The following CA10 variants were observed in gnomAD, a reference collection of about 807,000 sequenced individuals.
CA10 encodes carbonic anhydrase-related protein 10.
CA10 carries 14 observed loss-of-function variants against 44.2 expected under a neutral mutation model. That is an observed-to-expected ratio of 0.32 (90% CI 0.21 to 0.50). The LOEUF (loss-of-function observed/expected upper bound fraction) is 0.50. CA10 is among the 20% of genes least tolerant of loss of function. The pLI is 0.99. For missense variants in CA10, 350 were observed against 409.7 expected (o/e 0.85, Z 1.26); for synonymous variants, 159 against 141.6 (o/e 1.12, Z -0.87).
intron 1 of CA10, among the ~76,000 whole-genome samples, chr17:52,101,590 A>G (rs937448364): frequency 2.0e-5 from 3 of 152,228 alleles, no homozygotes; most frequent in African/African-American, 7.2e-5. Context: ...ACCAATCCAC[A>G]TGTCTTGAAG....
chr17:51,650,433 A>T (rs1017801281), intron 5 of CA10, among the ~76,000 whole-genome samples: 1 of 152,218 alleles, frequency 6.6e-6, no homozygotes, highest in African/African-American at 2.4e-5. Flanking sequence ...GCTTGGAGAA[A>T]GCACAGACTG....
intron 2 of CA10, among the ~76,000 whole-genome samples, chr17:52,018,262 C>T (rs759227227): frequency 6.6e-6 from 1 of 152,074 alleles, no homozygotes; most frequent in Non-Finnish European, 1.5e-5. Context: ...GCCCTTCAGA[C>T]CAAATAATGG....
chr17:51,987,169 C>T (rs926469733), intron 2 of CA10, among the ~76,000 whole-genome samples: 1 of 151,726 alleles, frequency 6.6e-6, no homozygotes, highest in Non-Finnish European at 1.5e-5. Flanking sequence ...TGATGGAATA[C>T]TACTTATGAT....
intron 2 of CA10, among the ~76,000 whole-genome samples, chr17:52,057,970 T>C (rs1318200738): frequency 6.6e-6 from 1 of 152,056 alleles, no homozygotes; most frequent in Non-Finnish European, 1.5e-5. Flanking sequence ...AGAAATTTCC[T>C]GGTGTGACTA....
chr17:51,831,342 G>A (rs1908233128), intron 3 of CA10, among the ~76,000 whole-genome samples: 1 of 152,198 alleles, frequency 6.6e-6, no homozygotes, highest in Non-Finnish European at 1.5e-5. Flanking sequence ...GAAGCTGTTT[G>A]CAGTTCAGAT....
intron 2 of CA10, among the ~76,000 whole-genome samples, chr17:51,964,514 C>G (rs533371387): frequency 2.6e-5 from 4 of 151,968 alleles, no homozygotes; most frequent in Middle Eastern, 6.8e-3. Context: ...GGCCATAAAG[C>G]AAGTCTCAAT....
At chr17:51,659,165 G>A (rs1913908105) in intron 4 of CA10, among the ~76,000 whole-genome samples, 1 of 152,166 alleles carries the variant, frequency 6.6e-6, no homozygotes, top group African/African-American at 2.4e-5. Flanking sequence ...ATCAGCGAGG[G>A]TGGGCAACAT....
At chr17:51,841,078 G>A (rs929625843) in intron 3 of CA10, among the ~76,000 whole-genome samples, 1 of 152,104 alleles carries the variant, frequency 6.6e-6, no homozygotes, top group Non-Finnish European at 1.5e-5. Context: ...CTGCTTTCCT[G>A]GAGAGAACCA....
At chr17:51,893,036 C>A (rs1466657058) in intron 3 of CA10, among the ~76,000 whole-genome samples, 3 of 152,022 alleles carry the variant, frequency 2.0e-5, no homozygotes, top group African/African-American at 7.2e-5. Flanking sequence ...CTACTTTATG[C>A]TTAATAAGTG....
At chr17:51,981,556 G>C (rs1471844030) in intron 2 of CA10, among the ~76,000 whole-genome samples, 1 of 151,820 alleles carries the variant, frequency 6.6e-6, no homozygotes, top group African/African-American at 2.4e-5. Flanking sequence ...AAATTCCCTG[G>C]GGTAATGAAA....
intron 2 of CA10, among the ~76,000 whole-genome samples, chr17:51,941,170 T>C (rs1002698884): frequency 2.6e-5 from 4 of 152,102 alleles, no homozygotes; most frequent in African/African-American, 9.7e-5. Flanking sequence ...GGTCTAAAAT[T>C]CCCACTCTTA....
intron 2 of CA10, among the ~76,000 whole-genome samples, chr17:51,935,934 C>T (rs1254927200): frequency 6.6e-6 from 1 of 152,106 alleles, no homozygotes; most frequent in Non-Finnish European, 1.5e-5. Context: ...ACTTCTTTGT[C>T]CTAGAGAAGG....
intron 4 of CA10, among the ~76,000 whole-genome samples, chr17:51,739,902 C>G (rs1904390067): frequency 6.6e-6 from 1 of 152,060 alleles, no homozygotes; most frequent in Admixed American, 6.6e-5. Flanking sequence ...TAGTCTGATC[C>G]TAGGAGTAAT....
At chr17:51,737,112 G>C (rs551323543) in intron 4 of CA10, among the ~76,000 whole-genome samples, 2 of 152,274 alleles carry the variant, frequency 1.3e-5, no homozygotes, top group East Asian at 3.9e-4. Context: ...GAGAGGTAAG[G>C]TGACTGTCTA....
rs1988734481 is a variant in CA10, at chr17:52,109,036, C to T, written c.62-36643G>A. On this transcript the variant is annotated intron_variant, in intron 1 of 8. Coordinates refer to ENST00000451037, the MANE Select transcript of CA10 (RefSeq NM_020178.5). ...ACCTCAATAAATGGAGACATCCCTACTAGGTTCATGGATTGGAGGACTCAA... is the reference window on the plus strand; with the variant it reads ...ACCTCAATAAATGGAGACATCCCTATTAGGTTCATGGATTGGAGGACTCAA... 1.3e-5 allele frequency among the ~76,000 whole-genome samples: 2 copies of T among 152,138 alleles called. 1 individual carries two copies. Among genetic ancestry groups the T allele is most frequent in the Admixed American group, 1.3e-4 (2 of 15,280 alleles).
At chr17:52,021,977 T>G (rs763046492) in intron 2 of CA10, among the ~76,000 whole-genome samples, 2 of 151,934 alleles carry the variant, frequency 1.3e-5, no homozygotes, top group Non-Finnish European at 2.9e-5. Flanking sequence ...ACCAGACATA[T>G]GAAGAAGAGC....
intron 3 of CA10, among the ~76,000 whole-genome samples, chr17:51,788,602 C>A (rs142627919): frequency 6.6e-6 from 1 of 152,142 alleles, no homozygotes; most frequent in Admixed American, 6.5e-5. Context: ...TCCATAAATA[C>A]GTGCAATTAT....
At chr17:52,025,969 T>C (rs1249477437) in intron 2 of CA10, among the ~76,000 whole-genome samples, 2 of 152,028 alleles carry the variant, frequency 1.3e-5, no homozygotes, top group African/African-American at 4.8e-5. Flanking sequence ...ACATAGTATA[T>C]ATGTATAATG....
intron 2 of CA10, among the ~76,000 whole-genome samples, chr17:52,044,492 T>A (rs1986854808): frequency 6.6e-6 from 1 of 151,724 alleles, no homozygotes; most frequent in Non-Finnish European, 1.5e-5. Context: ...TTTGTAGAAA[T>A]GGGGTTTTGT....
Sources: gnomAD v4.1 joint callset for allele counts (sites outside exome capture counted in the v4.1 genomes callset) on GRCh38, gnomAD v4.1.1 for gene constraint, MANE v1.5 for transcripts, NCBI Gene and HGNC (gene_info 2026-07-23, HGNC 2026-07-21) for gene names.